MLLT10: variants seen among roughly 807,000 people sequenced by gnomAD.
MLLT10 encodes MLLT10 histone lysine methyltransferase DOT1L cofactor.
MLLT10 carries 30 observed loss-of-function variants against 129.1 expected under a neutral mutation model. That is an observed-to-expected ratio of 0.23 (90% CI 0.17 to 0.32). MLLT10 has a LOEUF of 0.32. Ranked by LOEUF, MLLT10 falls within the 10% of genes least tolerant of loss-of-function variation. The probability of loss-of-function intolerance (pLI) is 1.00; values close to 1 mark genes in which losing one functional copy is unlikely to be tolerated. For synonymous variants in MLLT10, 490 were observed against 446.4 expected, an observed-to-expected ratio of 1.10 and a Z score of -1.23; for missense variants, 1,119 against 1,268.3, an observed-to-expected ratio of 0.88 and a Z score of 1.79.
intron 9 of MLLT10, among the ~76,000 whole-genome samples, chr10:21,652,437 G>A (rs997583573): frequency 6.6e-6 from 1 of 152,116 alleles, no homozygotes; most frequent in African/African-American, 2.4e-5. Context: ...TTGTAAAGTG[G>A]GGGAAATTAT....
chr10:21,726,166 A>T, intron 14 of MLLT10, 78 bp from the exon 15 acceptor site: 1 of 940,014 alleles, frequency 1.1e-6, no homozygotes, highest in Non-Finnish European at 1.6e-6. Flanking sequence ...GAATATAATT[A>T]CTAGATCTAT....
intron 3 of MLLT10, among the ~76,000 whole-genome samples, chr10:21,558,210 C>A (rs569351276): frequency 1.3e-5 from 2 of 152,032 alleles, no homozygotes; most frequent in Admixed American, 1.3e-4. Flanking sequence ...CTCGACCTCC[C>A]AAAGTGCTGG....
intron 3 of MLLT10, among the ~76,000 whole-genome samples, chr10:21,550,474 G>A (rs2036820585): frequency 6.6e-6 from 1 of 152,060 alleles, no homozygotes; most frequent in African/African-American, 2.4e-5. Context: ...ACCCTCTAAG[G>A]TATTGTTTCT....
At chr10:21,691,148 C>T (rs1388489727) in intron 13 of MLLT10, among the ~76,000 whole-genome samples, 1 of 152,124 alleles carries the variant, frequency 6.6e-6, no homozygotes, top group East Asian at 1.9e-4. Context: ...ATATTATCAT[C>T]ATCTTGATAA....
intron 5 of MLLT10, among the ~76,000 whole-genome samples, chr10:21,606,064 T>C (rs1395837934): frequency 5.3e-5 from 8 of 152,212 alleles, no homozygotes; most frequent in Admixed American, 2.6e-4. Context: ...TCACACATTT[T>C]CATTATTATA....
chr10:21,696,333 C>T (rs1370184025), intron 13 of MLLT10, among the ~76,000 whole-genome samples: 1 of 151,938 alleles, frequency 6.6e-6, no homozygotes, highest in Non-Finnish European at 1.5e-5. Context: ...ATGACACAGC[C>T]CTCAGGAGAT....
intron 22 of MLLT10, among the ~76,000 whole-genome samples, chr10:21,741,658 A>G (rs888348760): frequency 3.3e-5 from 5 of 152,196 alleles, no homozygotes; most frequent in African/African-American, 9.7e-5. Context: ...TTCTGTGGAA[A>G]AGTTGATTTT....
intron 13 of MLLT10, among the ~76,000 whole-genome samples, chr10:21,696,436 C>G (rs1003362596): frequency 5.3e-5 from 8 of 151,982 alleles, no homozygotes; most frequent in African/African-American, 1.5e-4. Flanking sequence ...AGAAATTCTC[C>G]TATTGATTGA....
intron 5 of MLLT10, among the ~76,000 whole-genome samples, chr10:21,610,779 C>A (rs1589221792): frequency 1.3e-5 from 2 of 151,660 alleles, no homozygotes; most frequent in South Asian, 2.1e-4. Context: ...GTTACTGTTT[C>A]AATGTGCTCT....
At chr10:21,559,177 G>A (rs1304261744) in intron 3 of MLLT10, among the ~76,000 whole-genome samples, 2 of 152,172 alleles carry the variant, frequency 1.3e-5, no homozygotes, top group African/African-American at 4.8e-5. Flanking sequence ...TCCGACTCCT[G>A]GATTCAAGTG....
intron 9 of MLLT10, among the ~76,000 whole-genome samples, chr10:21,658,105 G>GT (rs2049794553): frequency 6.6e-6 from 1 of 151,974 alleles, no homozygotes; most frequent in East Asian, 1.9e-4. Flanking sequence ...GGATCATAAG[G>GT]TATTCAGAAG....
chr10:21,591,708 C>T (rs751452654), intron 4 of MLLT10, among the ~76,000 whole-genome samples: 1 of 150,784 alleles, frequency 6.6e-6, no homozygotes, highest in Non-Finnish European at 1.5e-5. Flanking sequence ...AATTCAGTCT[C>T]TACTGAGTGT....
chr10:21,600,464 T>A (rs923334081), intron 5 of MLLT10, among the ~76,000 whole-genome samples: 4 of 152,158 alleles, frequency 2.6e-5, no homozygotes, highest in Non-Finnish European at 4.4e-5. Flanking sequence ...TCCTGACTTA[T>A]GTTCATGAAA....
At chr10:21,739,218 C>A (rs956447055) in intron 21 of MLLT10, among the ~76,000 whole-genome samples, 1 of 152,240 alleles carries the variant, frequency 6.6e-6, no homozygotes, top group Middle Eastern at 3.4e-3. Context: ...GCTCTGTGTT[C>A]TCCTCACTTC....
chr10:21,630,601 G>A (rs1407166528), intron 8 of MLLT10, among the ~76,000 whole-genome samples: 1 of 152,210 alleles, frequency 6.6e-6, no homozygotes, highest in South Asian at 2.1e-4. Context: ...AGTCCACTGT[G>A]TGTATAAATG....
chr10:21,551,671 C>T (rs988480832), intron 3 of MLLT10: 2 of 280,352 alleles, frequency 7.1e-6, no homozygotes, highest in Middle Eastern at 1.4e-3. Context: ...CCCTACAAAA[C>T]TAGTAAGAGA....
chr10:21,625,748 G>A, intron 8 of MLLT10: 1 of 768,420 alleles, frequency 1.3e-6, no homozygotes, highest in Admixed American at 1.7e-5. Context: ...TGTTTACCAG[G>A]GCGAATTTCA....
At chr10:21,619,029 T>TACAC (rs66469025) in intron 8 of MLLT10, among the ~76,000 whole-genome samples, 9,762 of 143,746 alleles carry the variant, frequency 0.068, 361 homozygotes, top group African/African-American at 0.098. Context: ...CCTGGTGACA[T>TACAC]ACACACACAC....
intron 3 of MLLT10, among the ~76,000 whole-genome samples, chr10:21,570,324 C>T (rs2040070421): frequency 1.3e-5 from 2 of 152,052 alleles, no homozygotes; most frequent in African/African-American, 2.4e-5. Flanking sequence ...TTTCCCACCT[C>T]GGCCTCCCAA....
Sources: allele counts gnomAD v4.1 joint callset (sites outside exome capture counted in the v4.1 genomes callset), GRCh38; gene constraint gnomAD v4.1.1; transcripts MANE v1.5; gene names NCBI Gene and HGNC (gene_info 2026-07-23, HGNC 2026-07-21).